Variants in DNM3 observed in about 807,000 individuals in gnomAD.
DNM3 encodes dynamin-3.
DNM3 carries 47 observed loss-of-function variants against 101.6 expected under a neutral mutation model. That is an observed-to-expected ratio of 0.46 (90% confidence interval 0.37 to 0.59). The LOEUF (loss-of-function observed/expected upper bound fraction) is 0.59. DNM3 is among the 20% of genes least tolerant of loss of function. DNM3 has a pLI of 0.00. For missense variants in DNM3, 849 were observed against 1,085.7 expected, an observed-to-expected ratio of 0.78 and a Z score of 3.06; for synonymous variants, 385 against 387.9, an observed-to-expected ratio of 0.99 and a Z score of 0.09.
At chr1:172,169,651 A>G (rs1220604473) in intron 14 of DNM3, among the ~76,000 whole-genome samples, 1 of 151,958 alleles carries the variant, frequency 6.6e-6, no homozygotes, top group Non-Finnish European at 1.5e-5. Flanking sequence ...TACTAGAATT[A>G]ATAATAACCA....
At chr1:172,291,262 G>A (rs377597466) in intron 15 of DNM3, among the ~76,000 whole-genome samples, 6 of 146,194 alleles carry the variant, frequency 4.1e-5, no homozygotes, top group African/African-American at 9.8e-5. Flanking sequence ...GTGTGCACAC[G>A]CATACATGTG....
intron 16 of DNM3, 82 bp downstream of exon 16, chr1:172,308,921 G>C (rs2064963535): frequency 1.4e-6 from 1 of 719,790 alleles, no homozygotes; most frequent in Admixed American, 3.4e-5. Flanking sequence ...ATAAGCTGGA[G>C]AAACTAGTTT....
At chr1:171,970,074 G>A (rs899686838) in intron 2 of DNM3, 1 of 192,178 alleles carries the variant, frequency 5.2e-6, no homozygotes, top group African/African-American at 2.4e-5. Context: ...GGCGGAAACA[G>A]ATAAAGATAA....
intron 14 of DNM3, among the ~76,000 whole-genome samples, chr1:172,190,247 T>G (rs559877162): frequency 9.9e-5 from 15 of 151,954 alleles, no homozygotes; most frequent in Admixed American, 3.9e-4. Flanking sequence ...CCACCTATGA[T>G]TGAGAACATG....
intron 17 of DNM3, among the ~76,000 whole-genome samples, chr1:172,369,197 C>G (rs1357516437): frequency 3.3e-5 from 5 of 151,824 alleles, no homozygotes; most frequent in African/African-American, 7.3e-5. Flanking sequence ...GCCAATATCC[C>G]TGATGAACAT....
chr1:172,142,433 G>A (rs371000340), intron 14 of DNM3, among the ~76,000 whole-genome samples: 17 of 151,922 alleles, frequency 1.1e-4, no homozygotes, highest in African/African-American at 3.6e-4. Context: ...AGTACTATTC[G>A]TTTTCATTTG....
chr1:172,171,546 T>C (rs1375582892), intron 14 of DNM3, among the ~76,000 whole-genome samples: 1 of 151,740 alleles, frequency 6.6e-6, no homozygotes, highest in Non-Finnish European at 1.5e-5. Flanking sequence ...TATCCAAACT[T>C]GTTATTTACT....
At chr1:171,981,238 T>C (rs1448014438) in intron 2 of DNM3, among the ~76,000 whole-genome samples, 1 of 152,210 alleles carries the variant, frequency 6.6e-6, no homozygotes, top group Non-Finnish European at 1.5e-5. Flanking sequence ...ATATGACCCC[T>C]GTACTCTGTT....
Position 171,934,748 on chromosome 1 carries a change from G to A in DNM3, c.235+12927G>A, listed in dbSNP as rs1438534378. Among the ~76,000 whole-genome samples, 10 of 152,292 alleles carry A rather than the reference G, an allele frequency of 6.6e-5. No homozygotes were observed. In the South Asian group the frequency reaches 8.3e-4, roughly 13 times the overall value. Reference sequence around the variant, plus strand: ...CTATTCAAAACCATGTGGATACTGAGTGTCCAATGCAGTGACTTTGTCATA... The same window carrying A: ...CTATTCAAAACCATGTGGATACTGAATGTCCAATGCAGTGACTTTGTCATA... On this transcript the variant is annotated intron_variant, in intron 2 of 20. Transcript: ENST00000627582.
intron 14 of DNM3, among the ~76,000 whole-genome samples, chr1:172,225,463 T>G (rs2061079498): frequency 6.6e-6 from 1 of 152,070 alleles, no homozygotes; most frequent in Admixed American, 6.6e-5. Context: ...CTCAATTTAG[T>G]CTTTACTTTT....
chr1:172,136,255 C>A (rs2057222566), intron 14 of DNM3, among the ~76,000 whole-genome samples: 1 of 152,054 alleles, frequency 6.6e-6, no homozygotes, highest in African/African-American at 2.4e-5. Flanking sequence ...GTAACAATAA[C>A]AAATGACAAA....
chr1:172,189,791 G>A (rs1490664939), intron 14 of DNM3, among the ~76,000 whole-genome samples: 2 of 151,984 alleles, frequency 1.3e-5, no homozygotes, highest in Non-Finnish European at 2.9e-5. Flanking sequence ...ATGGCAGAAG[G>A]TGAAAGGGGA....
At chr1:172,362,257 G>A (rs994053258) in intron 17 of DNM3, among the ~76,000 whole-genome samples, 2 of 151,906 alleles carry the variant, frequency 1.3e-5, no homozygotes, top group African/African-American at 2.4e-5. Context: ...TACATGAAAA[G>A]AATATAAAGC....
At chr1:172,323,742 A>G (rs534573579) in intron 17 of DNM3, among the ~76,000 whole-genome samples, 2 of 152,366 alleles carry the variant, frequency 1.3e-5, no homozygotes, top group South Asian at 2.1e-4. Context: ...GTGCAGTTAC[A>G]AAAACCCCAA....
intron 14 of DNM3, among the ~76,000 whole-genome samples, chr1:172,170,136 AG>A (rs2148337906): frequency 6.6e-6 from 1 of 152,034 alleles, no homozygotes; most frequent in East Asian, 1.9e-4. Flanking sequence ...CATGAAGATA[AG>A]CTAGAGAGTT....
chr1:171,987,365 G>T (rs2045336290), intron 2 of DNM3: 2 of 966,184 alleles, frequency 2.1e-6, no homozygotes, highest in Non-Finnish European at 2.5e-6. Flanking sequence ...TTATCATTTG[G>T]ATAGCCAAAA....
chr1:172,356,191 G>T (rs2067443998), intron 17 of DNM3, among the ~76,000 whole-genome samples: 2 of 152,092 alleles, frequency 1.3e-5, no homozygotes, highest in Admixed American at 1.3e-4. Context: ...ACGAAAAAAT[G>T]TACTTTAGGA....
rs141326972 is a variant in DNM3, at chr1:172,222,675, A to G, written c.1660-30898A>G. Among the ~76,000 whole-genome samples, 4 of 152,306 alleles carry G rather than the reference A, an allele frequency of 2.6e-5. No individual in the cohort carries two copies. The East Asian group carries it at 7.7e-4, about 29-fold the overall frequency. On this transcript the variant is annotated intron_variant, in intron 14 of 20. Coordinates refer to ENST00000627582, the MANE Select transcript of DNM3 (RefSeq NM_015569.5). Reference sequence around the variant, plus strand: ...TGTTTAAAAAGAGAAAAACAAAGCCATATTTAGGGGTTTGTTTTGTTGAAT... The same window carrying G: ...TGTTTAAAAAGAGAAAAACAAAGCCGTATTTAGGGGTTTGTTTTGTTGAAT...
intron 14 of DNM3, among the ~76,000 whole-genome samples, chr1:172,248,272 C>A (rs1489784516): frequency 6.6e-6 from 1 of 152,194 alleles, no homozygotes; most frequent in East Asian, 1.9e-4. Flanking sequence ...TGTTTTTATT[C>A]ACCTCTGGTT....
Sources: allele counts gnomAD v4.1 joint callset (sites outside exome capture counted in the v4.1 genomes callset), GRCh38; gene constraint gnomAD v4.1.1; transcripts MANE v1.5; gene names NCBI Gene and HGNC (gene_info 2026-07-23, HGNC 2026-07-21).